Variants in ITGA9 observed in about 807,000 individuals in gnomAD.
ITGA9 encodes the protein integrin alpha-9.
Under a neutral mutation model 127.8 loss-of-function variants are expected in ITGA9, and 56 were observed. The ratio of observed to expected loss-of-function variants is 0.44; its 90% CI spans 0.35 to 0.55. ITGA9 has a LOEUF of 0.55. Ranked by LOEUF, ITGA9 falls within the 20% of genes least tolerant of loss-of-function variation. The probability of loss-of-function intolerance (pLI) is 0.00; values close to 1 mark genes in which losing one functional copy is unlikely to be tolerated. For synonymous variants in ITGA9, 508 were observed against 514.5 expected (o/e 0.99, Z 0.17); for missense variants, 1,196 against 1,347.1 (o/e 0.89, Z 1.76).
At chr3:37,794,348 C>G (rs961080248) in intron 26 of ITGA9, among the ~76,000 whole-genome samples, 4 of 152,190 alleles carry the variant, frequency 2.6e-5, no homozygotes, top group African/African-American at 9.7e-5. Flanking sequence ...TGTCCTGTAG[C>G]CCAGAGCCCA....
At chr3:37,764,485 A>AAAAAT (rs1191172275) in intron 23 of ITGA9, among the ~76,000 whole-genome samples, 2 of 150,480 alleles carry the variant, frequency 1.3e-5, no homozygotes, top group Admixed American at 6.6e-5. Flanking sequence ...AAAAAAAAAA[A>AAAAAT]AAAAAATCAA....
At chr3:37,469,394 TG>T (rs751093549) in intron 1 of ITGA9, among the ~76,000 whole-genome samples, 9 of 152,174 alleles carry the variant, frequency 5.9e-5, no homozygotes, top group Non-Finnish European at 1.3e-4. Flanking sequence ...GTGTGTGTGG[TG>T]GGTGGTAGGA....
At chr3:37,531,631 G>A (rs948422653) in intron 13 of ITGA9, among the ~76,000 whole-genome samples, 1 of 152,158 alleles carries the variant, frequency 6.6e-6, no homozygotes, top group Non-Finnish European at 1.5e-5. Flanking sequence ...GACCAGGCGC[G>A]TCAGGGACCA....
chr3:37,638,673 C>T (rs2125640011), intron 16 of ITGA9, among the ~76,000 whole-genome samples: 1 of 152,286 alleles, frequency 6.6e-6, no homozygotes, highest in South Asian at 2.1e-4. Flanking sequence ...GGTTCCACTA[C>T]TTTAAATGCC....
At chr3:37,783,176 G>A (rs1696998942) in intron 25 of ITGA9, among the ~76,000 whole-genome samples, 1 of 151,918 alleles carries the variant, frequency 6.6e-6, no homozygotes, top group Non-Finnish European at 1.5e-5. Flanking sequence ...GATTTTTTTG[G>A]AAGTATTCTT....
chr3:37,738,953 G>A (rs890219352), intron 20 of ITGA9, among the ~76,000 whole-genome samples: 2 of 152,160 alleles, frequency 1.3e-5, no homozygotes, highest in Non-Finnish European at 2.9e-5. Flanking sequence ...ATCGCCTGGG[G>A]AGCTTTCAAA....
chr3:37,713,996 T>G (rs1156842404), intron 18 of ITGA9, among the ~76,000 whole-genome samples: 1 of 152,226 alleles, frequency 6.6e-6, no homozygotes, highest in Non-Finnish European at 1.5e-5. Flanking sequence ...CTGCAGCCTG[T>G]GCAGTGTCAA....
intron 14 of ITGA9, among the ~76,000 whole-genome samples, chr3:37,537,749 G>A (rs141687191): frequency 6.6e-4 from 100 of 152,300 alleles, no homozygotes; most frequent in African/African-American, 2.3e-3. Context: ...CCCTTGTGTG[G>A]CATGCACTGT....
chr3:37,454,112 A>G (rs1367860404), intron 1 of ITGA9, among the ~76,000 whole-genome samples: 1 of 152,220 alleles, frequency 6.6e-6, no homozygotes, highest in East Asian at 1.9e-4. Flanking sequence ...GCTGCTGTGG[A>G]CAGCGGGCTG....
chr3:37,592,798 A>G (rs1699833511), intron 15 of ITGA9, among the ~76,000 whole-genome samples: 1 of 152,158 alleles, frequency 6.6e-6, no homozygotes, highest in African/African-American at 2.4e-5. Flanking sequence ...CTGAGAGGGA[A>G]GGCTCATCTG....
intron 27 of ITGA9, among the ~76,000 whole-genome samples, chr3:37,815,238 A>T (rs567752701): frequency 9.8e-5 from 15 of 152,358 alleles, no homozygotes; most frequent in African/African-American, 3.6e-4. Context: ...TTGTTAACAC[A>T]CTGTCTATGT....
intron 15 of ITGA9, among the ~76,000 whole-genome samples, chr3:37,579,695 G>A (rs898596542): frequency 6.6e-6 from 1 of 152,156 alleles, no homozygotes; most frequent in African/African-American, 2.4e-5. Context: ...CCTCATGTGT[G>A]AACCTTAATA....
At position 37,533,392 on chromosome 3, in the gene ITGA9, C is replaced by T. The variant is rs754391214; in HGVS notation, c.1452C>T (p.Asp484=). Residue 484 remains aspartate (D), a synonymous_variant, in exon 14 of 28, where the codon GAC becomes GAT. Coordinates refer to ENST00000264741, the MANE Select transcript of ITGA9 (RefSeq NM_002207.3). ...ACATCACAGCGCCTCAGTGTCACGA[C>T]GGACAGCAGCCTGTGAACTGCCTGA... ...SINITAPQCH[D]GQQPVNCLNV... 23 of 1,614,026 alleles carry T rather than the reference C, an allele frequency of 1.4e-5. No homozygotes were observed. Among genetic ancestry groups the T allele is most frequent in the Non-Finnish European group, 1.8e-5 (21 of 1,180,000 alleles).
chr3:37,820,168 G>C lies in ITGA9; in HGVS notation c.*1179G>C, dbSNP rs1280291563. 2 of 152,268 alleles carry C rather than the reference G, an allele frequency of 1.3e-5. No individual in the cohort carries two copies. Among genetic ancestry groups the C allele is most frequent in the Admixed American group, 6.5e-5 (1 of 15,286 alleles). 9.4% of individuals were successfully genotyped at this position (152,268 alleles called of 1,614,324 possible). ...AAGAGAGTGGGGGAAGCAGGACAAGGAAGGAGACAAAGCCAGGCAAATGTT... is the reference window on the plus strand; with the variant it reads ...AAGAGAGTGGGGGAAGCAGGACAAGCAAGGAGACAAAGCCAGGCAAATGTT... On this transcript the variant is annotated 3_prime_UTR_variant, in exon 28 of 28. Transcript: ENST00000264741.
At chr3:37,596,263 GAAAA>G (rs879841856) in intron 15 of ITGA9, among the ~76,000 whole-genome samples, 67,417 of 151,974 alleles carry the variant, frequency 0.44, 15,497 homozygotes, top group East Asian at 0.6. Context: ...ATTAGGACTT[GAAAA>G]GAGAAAGGCT....
chr3:37,512,024 T>TTTCTTTCTTTCTTTC (rs59709172), intron 8 of ITGA9, among the ~76,000 whole-genome samples: 8 of 31,960 alleles, frequency 2.5e-4, no homozygotes, highest in Admixed American at 8.5e-4. Flanking sequence ...TTTTCTTTTC[T>TTTCTTTCTTTCTTTC]TTTCTTTCTT....
At chr3:37,461,949 G>C (rs918509510) in intron 1 of ITGA9, among the ~76,000 whole-genome samples, 80 of 152,222 alleles carry the variant, frequency 5.3e-4, no homozygotes, top group African/African-American at 1.9e-3. Context: ...GTTCCAGGAT[G>C]GGATACTTTT....
chr3:37,695,206 G>A (rs1472923881), intron 18 of ITGA9, among the ~76,000 whole-genome samples: 3 of 152,178 alleles, frequency 2.0e-5, no homozygotes, highest in Admixed American at 6.5e-5. Context: ...TTTCCACCCA[G>A]GGGTGAAGTG....
chr3:37,518,811 G>T (rs1699014530), intron 10 of ITGA9, among the ~76,000 whole-genome samples: 1 of 98,918 alleles, frequency 1.0e-5, no homozygotes, highest in South Asian at 3.6e-4. Context: ...TTGAGATGGA[G>T]TCTCACTCTG....
Sources: gnomAD v4.1 joint callset for allele counts (sites outside exome capture counted in the v4.1 genomes callset) on GRCh38, gnomAD v4.1.1 for gene constraint, MANE v1.5 for transcripts, NCBI Gene and HGNC (gene_info 2026-07-23, HGNC 2026-07-21) for gene names.